The following ZNF799 variants were observed in gnomAD, a reference collection of about 807,000 sequenced individuals.
The protein encoded by ZNF799 is zinc finger protein 14.
In ZNF799, 28 loss-of-function variants were observed where a neutral mutation model predicts 41.0. The ratio of observed to expected loss-of-function variants is 0.68; its 90% CI spans 0.51 to 0.94. ZNF799 has a LOEUF of 0.94. ZNF799 is among the 40% of genes least tolerant of loss of function. ZNF799 has a pLI of 0.00. For synonymous variants in ZNF799, 213 were observed against 252.9 expected (o/e 0.84, Z 1.50); for missense variants, 716 against 764.3 (o/e 0.94, Z 0.74).
At chr19:12,405,219 T>TTATATA (rs3049622), upstream of ZNF799, among the ~76,000 whole-genome samples, 2 of 148,222 alleles carry the variant, frequency 1.3e-5, no homozygotes, top group African/African-American at 4.9e-5. Context: ...AAACTCCCAT[T>TTATATA]TATATATATA....
upstream of ZNF799, chr19:12,401,351 G>A: frequency 1.0e-6 from 1 of 955,950 alleles, no homozygotes; most frequent in Non-Finnish European, 1.5e-6. Flanking sequence ...GACAGAAGAA[G>A]CGATCTTGCA....
chr19:12,401,320 G>A (rs973003277), upstream of ZNF799: 238 of 1,188,152 alleles, frequency 2.0e-4, no homozygotes, highest in Admixed American at 3.5e-4. Flanking sequence ...GGCGTCAGGT[G>A]CCGCCCCTCG....
At chr19:12,406,387 G>A in the ZNF799 span, among the ~76,000 whole-genome samples, 1 of 151,188 alleles carries the variant, frequency 6.6e-6, no homozygotes, top group Non-Finnish European at 1.5e-5. Flanking sequence ...GGGAGGCTGA[G>A]GCAGGAGAAT....
rs1476304887 is a variant in ZNF799 at position 12,396,388 on chromosome 19, G to T, written c.4-2965C>A. Among the ~76,000 whole-genome samples, 6 of 152,256 alleles carry T rather than the reference G, an allele frequency of 3.9e-5. No homozygotes were observed. The South Asian group carries it at 1.2e-3, about 31-fold the overall frequency. ...AAATTAACTGGGCGTGGTGGCTCAC[G>T]CCTGTAATCCCAGCACTTTGGGAGG... On this transcript the variant is annotated intron_variant, in intron 1 of 3. Coordinates refer to ENST00000430385, the MANE Select transcript of ZNF799 (RefSeq NM_001080821.3).
the ZNF799 span, among the ~76,000 whole-genome samples, chr19:12,406,628 C>T: frequency 4.3e-3 from 653 of 152,140 alleles, 8 homozygotes; most frequent in African/African-American, 0.015. Flanking sequence ...AGGCCTGGCG[C>T]GGTGGCTCAT....
the ZNF799 span, among the ~76,000 whole-genome samples, chr19:12,408,822 T>C: frequency 6.6e-6 from 1 of 152,006 alleles, no homozygotes; most frequent in African/African-American, 2.4e-5. Context: ...TCACCTGAGG[T>C]CGGGAGTTCA....
At chr19:12,398,800 T>C (rs7258994) in intron 1 of ZNF799, among the ~76,000 whole-genome samples, 99,024 of 151,926 alleles carry the variant, frequency 0.65, 33,249 homozygotes, top group Non-Finnish European at 0.76. Flanking sequence ...GAGGGTTTTT[T>C]CCTTGGTAGT....
chr19:12,399,810 A>T (rs900972180), intron 1 of ZNF799, among the ~76,000 whole-genome samples: 1 of 151,870 alleles, frequency 6.6e-6, no homozygotes, highest in African/African-American at 2.4e-5. Flanking sequence ...AGCCCAGCTA[A>T]TTTTATTATT....
Position 12,400,991 on chromosome 19 carries a change from G to A in ZNF799, c.3+77C>T, listed in dbSNP as rs564628326. The A allele has an allele frequency of 4.3e-6, 7 of 1,612,892 alleles. No individual in the cohort carries two copies. The East Asian group carries it at 1.1e-4, about 26-fold the overall frequency. On this transcript the variant is annotated intron_variant, in intron 1 of 3. Transcript: ENST00000430385. ...CCCGGAGTAGCCCTTGGGGAGGCCC[G>A]GGTCCAGCCACAGCCGATTACTGCA...
Position 12,390,617 on chromosome 19 carries a change from C to T in ZNF799, c.1781G>A (p.Gly594Glu). 8 of 1,613,158 alleles carry T rather than the reference C, an allele frequency of 5.0e-6. No individual in the cohort carries two copies. Among genetic ancestry groups the T allele is most frequent in the Non-Finnish European group, 6.8e-6 (8 of 1,179,792 alleles). Residue 594 changes from glycine to glutamate, a missense_variant, in exon 4 of 4, where the codon GGG becomes GAG. Physicochemically the swap from Gly to Glu is moderately conservative, Grantham distance 98. Around this residue, in one of 2 missense-constraint regions of ZNF799, gnomAD observed 698 missense variants for 713.6 expected, o/e 0.98. Coordinates refer to ENST00000430385, the MANE Select transcript of ZNF799 (RefSeq NM_001080821.3). The part of the protein sequence containing the change: ...GENPYECKEC[G>E]KAFASLSSLH... ...GGAACTGAGAGAAGCAAATGCTTTCCCACATTCCTTACATTCATACGGGTT... is the reference window on the plus strand; with the variant it reads ...GGAACTGAGAGAAGCAAATGCTTTCTCACATTCCTTACATTCATACGGGTT...
At chr19:12,402,416 C>CTTTTT (rs745521629), upstream of ZNF799, among the ~76,000 whole-genome samples, 10 of 125,046 alleles carry the variant, frequency 8.0e-5, no homozygotes, top group South Asian at 2.5e-4. Flanking sequence ...CCCTTTATTT[C>CTTTTT]TTTTTTTTTT....
upstream of ZNF799, among the ~76,000 whole-genome samples, chr19:12,403,856 G>A (rs1970013779): frequency 6.6e-6 from 1 of 152,016 alleles, no homozygotes; most frequent in Non-Finnish European, 1.5e-5. Flanking sequence ...CCAGCCTGCA[G>A]GTCTTCTTCT....
At chr19:12,392,484 T>G in intron 3 of ZNF799, 119 bp downstream of exon 3, 2 of 1,031,632 alleles carry the variant, frequency 1.9e-6, no homozygotes, top group Non-Finnish European at 2.9e-6. Context: ...TGGAGAAAAT[T>G]TTCTAAGAAT....
At chr19:12,404,748 A>C (rs549906413), upstream of ZNF799, among the ~76,000 whole-genome samples, 8 of 152,342 alleles carry the variant, frequency 5.3e-5, no homozygotes, top group South Asian at 1.7e-3. Context: ...TCCCTGTCAA[A>C]TTTGGCAGGA....
At chr19:12,414,587 G>A in the ZNF799 span, among the ~76,000 whole-genome samples, 2 of 152,178 alleles carry the variant, frequency 1.3e-5, no homozygotes, top group African/African-American at 4.8e-5. Context: ...ACATGGCCAA[G>A]CCTTTCTCCC....
At chr19:12,406,899 C>CA in the ZNF799 span, among the ~76,000 whole-genome samples, 12,538 of 151,100 alleles carry the variant, frequency 0.083, 733 homozygotes, top group African/African-American at 0.15. Flanking sequence ...GACTTCTTCT[C>CA]AAAAAAAATA....
chr19:12,393,588 G>A (rs1969856940), intron 1 of ZNF799, 165 bp from the exon 2 acceptor site: 2 of 1,441,374 alleles, frequency 1.4e-6, no homozygotes, highest in Non-Finnish European at 9.1e-7. Flanking sequence ...CTCCTACACA[G>A]TAACTCTGAA....
the ZNF799 span, among the ~76,000 whole-genome samples, chr19:12,413,424 A>G: frequency 2.0e-5 from 3 of 152,228 alleles, no homozygotes; most frequent in Non-Finnish European, 4.4e-5. Context: ...GTAAACCTAC[A>G]TAAAATGACT....
At position 12,394,737 on chromosome 19, in the gene ZNF799, C is replaced by T. The variant is rs886946052; in HGVS notation, c.4-1314G>A. 1.0e-4 allele frequency: 99 copies of T among 985,092 alleles called. 1 individual carries two copies. In the South Asian group the frequency reaches 4.1e-3, roughly 41 times the overall value. 61.0% of individuals were successfully genotyped at this position (985,092 alleles called of 1,614,324 possible). Reference sequence around the variant, plus strand: ...CTCTCATGAATATTTATAATACTTACTAAGAAACTAAAACAAATCTTTTAG... The same window carrying T: ...CTCTCATGAATATTTATAATACTTATTAAGAAACTAAAACAAATCTTTTAG... On this transcript the variant is annotated intron_variant, in intron 1 of 3. Transcript: ENST00000430385.
Sources: allele counts gnomAD v4.1 joint callset (sites outside exome capture counted in the v4.1 genomes callset), GRCh38; gene constraint gnomAD v4.1.1; regional missense constraint gnomAD v4.1.1; transcripts MANE v1.5; gene names NCBI Gene and HGNC (gene_info 2026-07-23, HGNC 2026-07-21).